Variants in CWC27 observed in about 807,000 individuals in gnomAD.
CWC27 encodes the protein CWC27 spliceosome associated cyclophilin.
Under a neutral mutation model 63.6 loss-of-function variants are expected in CWC27, and 47 were observed. The ratio of observed to expected loss-of-function variants is 0.74; its 90% CI spans 0.58 to 0.94. The LOEUF is 0.94. CWC27 is among the 40% of genes least tolerant of loss of function. The probability of loss-of-function intolerance (pLI) is 0.00; values close to 1 mark genes in which losing one functional copy is unlikely to be tolerated. For missense variants in CWC27, 495 were observed against 554.3 expected, an observed-to-expected ratio of 0.89 and a Z score of 1.07; for synonymous variants, 175 against 179.8, an observed-to-expected ratio of 0.97 and a Z score of 0.22.
intron 10 of CWC27, among the ~76,000 whole-genome samples, chr5:64,838,475 T>C (rs2112274928): frequency 6.6e-6 from 1 of 152,312 alleles, no homozygotes; most frequent in East Asian, 1.9e-4. Flanking sequence ...GTCACTATTC[T>C]ATAAGAGCTA....
chr5:64,939,510 C>T (rs1008526659), intron 11 of CWC27, among the ~76,000 whole-genome samples: 2 of 152,084 alleles, frequency 1.3e-5, no homozygotes, highest in Admixed American at 6.5e-5. Context: ...GAGGGGAACC[C>T]GCCAGATGCC....
At chr5:64,829,045 C>G (rs934021329) in intron 10 of CWC27, among the ~76,000 whole-genome samples, 4 of 152,034 alleles carry the variant, frequency 2.6e-5, no homozygotes, top group Admixed American at 1.3e-4. Flanking sequence ...TATCAATGTA[C>G]AAAATGAAAA....
At position 64,971,957 on chromosome 5, in the gene CWC27, AT is replaced by A; in HGVS notation, c.1152+147del. On this transcript the variant is annotated intron_variant, in intron 12 of 13. Transcript: ENST00000381070. ...AAGAATATATTTATATAGGGTGGAC[AT>A]TGGCCACTCACATAAAGATTCAAAC... The A allele has an allele frequency of 6.7e-6, 3 of 449,090 alleles. No homozygotes were observed. In the Admixed American group the frequency reaches 1.3e-4, roughly 19 times the overall value. The allele number at this position is 449,090 out of a possible 1,614,324, so 27.8% of individuals were successfully genotyped here.
chr5:64,909,686 G>T (rs973857305), intron 11 of CWC27, among the ~76,000 whole-genome samples: 6 of 151,636 alleles, frequency 4.0e-5, no homozygotes, highest in African/African-American at 1.2e-4. Flanking sequence ...TCATTAATTT[G>T]ATCTTCAGTC....
At chr5:64,987,077 T>C (rs937437512) in intron 13 of CWC27, among the ~76,000 whole-genome samples, 4 of 151,908 alleles carry the variant, frequency 2.6e-5, no homozygotes, top group Non-Finnish European at 4.4e-5. Flanking sequence ...TTTTATTTTT[T>C]ATTTTTTTAT....
intron 11 of CWC27, among the ~76,000 whole-genome samples, chr5:64,966,894 G>A (rs1749024205): frequency 6.8e-6 from 1 of 148,104 alleles, no homozygotes; most frequent in South Asian, 2.1e-4. Context: ...ATTTTTGTTT[G>A]TTTTAAAAAT....
At chr5:64,857,851 A>G (rs1746290987) in intron 10 of CWC27, among the ~76,000 whole-genome samples, 1 of 152,100 alleles carries the variant, frequency 6.6e-6, no homozygotes, top group Admixed American at 6.5e-5. Flanking sequence ...TTAAAAATGA[A>G]TAGGGGCCGG....
chr5:64,860,750 T>A (rs1746385802), intron 10 of CWC27, among the ~76,000 whole-genome samples: 1 of 152,234 alleles, frequency 6.6e-6, no homozygotes, highest in African/African-American at 2.4e-5. Flanking sequence ...AGTACTTTGG[T>A]CCAACTCTTT....
At chr5:65,001,332 T>C (rs978609169) in intron 13 of CWC27, among the ~76,000 whole-genome samples, 4 of 152,152 alleles carry the variant, frequency 2.6e-5, no homozygotes, top group Non-Finnish European at 5.9e-5. Context: ...CTGATTGCTC[T>C]GACTAGGACT....
At chr5:64,856,201 T>C (rs1014322195) in intron 10 of CWC27, among the ~76,000 whole-genome samples, 5 of 152,088 alleles carry the variant, frequency 3.3e-5, no homozygotes, top group African/African-American at 1.2e-4. Context: ...GCACCTAATA[T>C]CAATATCAAT....
chr5:64,925,329 C>A (rs1748084680), intron 11 of CWC27, among the ~76,000 whole-genome samples: 1 of 152,186 alleles, frequency 6.6e-6, no homozygotes, highest in Non-Finnish European at 1.5e-5. Context: ...TACACATCTT[C>A]ACCCAAACCT....
intron 10 of CWC27, among the ~76,000 whole-genome samples, chr5:64,864,468 A>C (rs1415497124): frequency 6.6e-6 from 1 of 152,158 alleles, no homozygotes; most frequent in Non-Finnish European, 1.5e-5. Flanking sequence ...TACAGAGGCT[A>C]TTTGGGTGCT....
At chr5:64,890,579 A>C (rs1747209672) in intron 11 of CWC27, among the ~76,000 whole-genome samples, 1 of 152,018 alleles carries the variant, frequency 6.6e-6, no homozygotes, top group African/African-American at 2.4e-5. Flanking sequence ...CAGAAGTATC[A>C]GACCTATTTT....
intron 11 of CWC27, among the ~76,000 whole-genome samples, chr5:64,962,572 G>A (rs1428106845): frequency 6.6e-6 from 1 of 152,050 alleles, no homozygotes; most frequent in Non-Finnish European, 1.5e-5. Context: ...CTATGTGGCA[G>A]AAAAAATGAA....
chr5:64,947,114 A>G (rs749012394), intron 11 of CWC27, among the ~76,000 whole-genome samples: 33 of 152,068 alleles, frequency 2.2e-4, no homozygotes, highest in Non-Finnish European at 4.4e-5. Flanking sequence ...GTCTATTCCA[A>G]CCATATTTCC....
intron 12 of CWC27, among the ~76,000 whole-genome samples, chr5:64,974,504 A>T (rs541709357): frequency 7.0e-4 from 106 of 152,292 alleles, no homozygotes; most frequent in African/African-American, 2.5e-3. Context: ...CTATCACGAG[A>T]ATAGCATGGT....
chr5:64,927,919 C>T (rs561715219), intron 11 of CWC27, among the ~76,000 whole-genome samples: 16 of 152,184 alleles, frequency 1.1e-4, no homozygotes, highest in Middle Eastern at 6.8e-3. Flanking sequence ...CTTTGGGAGG[C>T]GGAGGCAGGT....
intron 11 of CWC27, 116 bp from the exon 12 acceptor site, chr5:64,971,587 G>A: frequency 1.5e-6 from 1 of 646,076 alleles, no homozygotes; most frequent in East Asian, 3.0e-5. Context: ...GAAATTAAAT[G>A]GTGAAAAAGC....
In CWC27 at chr5:64,850,854, TGATGA is replaced by T. The variant is rs559046150; in HGVS notation, c.939-34585_939-34581del. Among the ~76,000 whole-genome samples the T allele has an allele frequency of 5.9e-5, 9 of 152,042 alleles. No homozygotes were observed. The South Asian group carries it at 1.5e-3, about 25-fold the overall frequency. On this transcript the variant is annotated intron_variant, in intron 10 of 13. Coordinates refer to ENST00000381070, the MANE Select transcript of CWC27 (RefSeq NM_005869.4). ...ATTAGGTAAATGCAAATTAAAACCA[TGATGA>T]GATATCACCTCACACCTGTCAGAAT...
Sources: gnomAD v4.1 joint callset for allele counts (sites outside exome capture counted in the v4.1 genomes callset) on GRCh38, gnomAD v4.1.1 for gene constraint, MANE v1.5 for transcripts, NCBI Gene and HGNC (gene_info 2026-07-23, HGNC 2026-07-21) for gene names.